SPG11: variants seen among roughly 807,000 people sequenced by gnomAD.
SPG11 encodes the protein SPG11 vesicle trafficking associated, spatacsin, also known as spatacsin.
In SPG11, 222 loss-of-function variants were observed where a neutral mutation model predicts 274.0. The observed-to-expected ratio is 0.81, with a 90% confidence interval of 0.73 to 0.91. The LOEUF is 0.91. Among genes scored for constraint, SPG11 ranks in the 40% least tolerant of loss-of-function variants. The pLI is 0.00. For synonymous variants in SPG11, 1,144 were observed against 1,039.7 expected (o/e 1.10, Z -1.93); for missense variants, 3,114 against 2,872.7 (o/e 1.08, Z -1.92).
intron 10 of SPG11, among the ~76,000 whole-genome samples, chr15:44,627,734 C>T (rs1595896948): frequency 6.6e-6 from 1 of 152,118 alleles, no homozygotes; most frequent in African/African-American, 2.4e-5. Flanking sequence ...GGATTACAGG[C>T]GCCTGCCACC....
Position 44,657,260 on chromosome 15 carries a change from T to A in SPG11, c.704A>T (p.His235Leu). The change falls in exon 4 of 40, where the codon CAT (histidine) becomes CTT (leucine). Residue 235 changes from histidine to leucine, a missense_variant. Coordinates refer to ENST00000261866, the MANE Select transcript of SPG11 (RefSeq NM_025137.4). Reference sequence around the variant, plus strand: ...TTCTTTGTGAAGTGCTAAATCCACATGAGCTACATATGTACCATCCACAAC... The same window carrying A: ...TTCTTTGTGAAGTGCTAAATCCACAAGAGCTACATATGTACCATCCACAAC... ...FDVVDGTYVAHVDLALHKEDM... is the reference protein window; with the variant it reads ...FDVVDGTYVALVDLALHKEDM... 1 of 1,614,214 alleles carries A rather than the reference T, an allele frequency of 6.2e-7. No homozygotes were observed. The highest frequency in any genetic ancestry group is 1.1e-5 in the South Asian group (1 of 91,088).
At chr15:44,604,677 C>T (rs1348421458) in intron 20 of SPG11, among the ~76,000 whole-genome samples, 1 of 151,822 alleles carries the variant, frequency 6.6e-6, no homozygotes, top group Non-Finnish European at 1.5e-5. Flanking sequence ...GCCTGTAATC[C>T]CAGCACTTTG....
chr15:44,615,455 G>A lies in SPG11; in HGVS notation c.2946C>T (p.Thr982=). ...GAGAATGGAAATCCCAACCTTCTTTGGTCTTGTAGTTTTGAACAGGGAGGG... is the reference window on the plus strand; with the variant it reads ...GAGAATGGAAATCCCAACCTTCTTTAGTCTTGTAGTTTTGAACAGGGAGGG... The part of the protein sequence containing the change: ...QDTLPVQNYK[T]KEGWDFHSQF... Residue 982 remains threonine (T), a synonymous_variant, in exon 16 of 40, where the codon ACC becomes ACT. Coordinates refer to ENST00000261866, the MANE Select transcript of SPG11 (RefSeq NM_025137.4). 4 of 1,614,000 alleles carry A rather than the reference G, an allele frequency of 2.5e-6. No individual in the cohort carries two copies. The highest frequency in any genetic ancestry group is 3.4e-6 in the Non-Finnish European group (4 of 1,179,968).
chr15:44,624,917 C>G (rs768092813), intron 11 of SPG11, among the ~76,000 whole-genome samples: 3 of 151,894 alleles, frequency 2.0e-5, no homozygotes. Context: ...GGTGGCTCAC[C>G]TGAGGTCAAG....
intron 3 of SPG11, 73 bp from the exon 4 acceptor site, chr15:44,657,369 G>A: frequency 1.4e-6 from 2 of 1,415,362 alleles, no homozygotes; most frequent in Non-Finnish European, 2.0e-6. Context: ...GGTTGGGAAA[G>A]AGCTATAGAC....
At chr15:44,631,727 A>G (rs1347634688) in intron 8 of SPG11, among the ~76,000 whole-genome samples, 1 of 149,824 alleles carries the variant, frequency 6.7e-6, no homozygotes, top group Non-Finnish European at 1.5e-5. Flanking sequence ...CTGGTCATGA[A>G]CTCTTGGTCT....
chr15:44,651,853 T>C lies in SPG11; in HGVS notation c.1094A>G (p.Asp365Gly). Residue 365 changes from aspartate (D) to glycine (G), a missense_variant, in exon 6 of 40, where the codon GAT becomes GGT. Transcript: ENST00000261866. The stretch of plus-strand genomic sequence containing the variant: ...TTCAGGTGACTCCAAATGCAAAATA[T>C]CCTGGAACCATGGAGCACAACAGGA... ...EVSCCAPWFQ[D>G]ILHLESPESG... The C allele has an allele frequency of 6.2e-7, 1 of 1,613,920 alleles. No homozygotes were observed.
chr15:44,571,060 G>C (rs2082413233), intron 33 of SPG11, among the ~76,000 whole-genome samples: 1 of 152,158 alleles, frequency 6.6e-6, no homozygotes, highest in African/African-American at 2.4e-5. Flanking sequence ...GTGCCATTTG[G>C]TGTTCTGGCT....
intron 4 of SPG11, among the ~76,000 whole-genome samples, chr15:44,656,760 T>A (rs2084952994): frequency 1.3e-5 from 2 of 152,224 alleles, no homozygotes; most frequent in African/African-American, 4.8e-5. Flanking sequence ...TTATAAACTC[T>A]ATGGGAAACA....
intron 16 of SPG11, 78 bp downstream of exon 16, chr15:44,615,285 A>C (rs933160030): frequency 1.4e-6 from 2 of 1,383,318 alleles, no homozygotes; most frequent in African/African-American, 2.8e-5. Context: ...CTATTTTCCT[A>C]AAAGTCACAT....
chr15:44,596,459 G>C, intron 24 of SPG11, 104 bp from the exon 25 acceptor site: 2 of 1,295,296 alleles, frequency 1.5e-6, no homozygotes, highest in Non-Finnish European at 2.2e-6. Context: ...TTCTCACCCT[G>C]AACTAAGTCA....
chr15:44,564,724 A>C (rs1434736700), intron 38 of SPG11, 26 bp from the exon 39 acceptor site: 1 of 1,613,926 alleles, frequency 6.2e-7, no homozygotes, highest in East Asian at 2.2e-5. Flanking sequence ...GAAGAAGGAC[A>C]CCATCAGAGC....
chr15:44,656,985 T>C (rs1218657193), intron 4 of SPG11, 110 bp downstream of exon 4: 54 of 915,528 alleles, frequency 5.9e-5, no homozygotes, highest in Non-Finnish European at 8.5e-5. Context: ...ATGATCTAAC[T>C]GAATAGAAAA....
intron 7 of SPG11, among the ~76,000 whole-genome samples, chr15:44,638,156 A>T (rs1164764882): frequency 6.6e-6 from 1 of 152,236 alleles, no homozygotes; most frequent in Admixed American, 6.5e-5. Context: ...TATTCAAAAC[A>T]ATTAGTTATT....
At chr15:44,576,634 G>C (rs571188010) in intron 30 of SPG11, among the ~76,000 whole-genome samples, 1 of 151,486 alleles carries the variant, frequency 6.6e-6, no homozygotes, top group Non-Finnish European at 1.5e-5. Flanking sequence ...GGGCGACAGA[G>C]CGAGACTCTG....
chr15:44,600,397 G>A, intron 21 of SPG11, 70 bp downstream of exon 21: 2 of 1,548,712 alleles, frequency 1.3e-6, no homozygotes, highest in Non-Finnish European at 8.9e-7. Flanking sequence ...TGATCCTCCT[G>A]CTTCCCAAAG....
chr15:44,641,775 A>T (rs1457592194), intron 7 of SPG11, among the ~76,000 whole-genome samples: 2 of 152,134 alleles, frequency 1.3e-5, no homozygotes, highest in Non-Finnish European at 2.9e-5. Flanking sequence ...TAAACTGATA[A>T]AACAATCTTG....
intron 20 of SPG11, 87 bp downstream of exon 20, chr15:44,605,938 T>G: frequency 1.5e-5 from 17 of 1,141,738 alleles, no homozygotes; most frequent in South Asian, 2.5e-5. Context: ...TAAAAATCAA[T>G]GAGAAAACTA....
intron 28 of SPG11, 140 bp from the exon 29 acceptor site, chr15:44,585,990 T>G (rs920387814): frequency 1.9e-5 from 13 of 676,536 alleles, no homozygotes; most frequent in East Asian, 3.1e-5. Flanking sequence ...GCTGTTTTTT[T>G]TTTTTTTTTT....
Sources: allele counts gnomAD v4.1 joint callset (sites outside exome capture counted in the v4.1 genomes callset), GRCh38; gene constraint gnomAD v4.1.1; transcripts MANE v1.5; gene names NCBI Gene and HGNC (gene_info 2026-07-23, HGNC 2026-07-21).